Variants in IGF1R observed in about 807,000 individuals in gnomAD.
IGF1R encodes insulin-like growth factor 1 receptor.
IGF1R carries 44 observed loss-of-function variants against 144.6 expected under a neutral mutation model. The observed-to-expected ratio is 0.30, with a 90% CI of 0.24 to 0.39. IGF1R has a LOEUF of 0.39. Ranked by LOEUF, IGF1R falls within the 10% of genes least tolerant of loss-of-function variation. The pLI is 1.00. For missense variants in IGF1R, 1,355 were observed against 1,833.7 expected (o/e 0.74, Z 4.77); for synonymous variants, 795 against 722.8 (o/e 1.10, Z -1.60).
At chr15:98,694,224 G>A (rs1378423432) in intron 1 of IGF1R, among the ~76,000 whole-genome samples, 2 of 152,126 alleles carry the variant, frequency 1.3e-5, no homozygotes, top group African/African-American at 4.8e-5. Context: ...GTGCTGAAGC[G>A]CAAGGGTGCA....
chr15:98,775,900 A>G (rs564868766), intron 2 of IGF1R, among the ~76,000 whole-genome samples: 3 of 152,322 alleles, frequency 2.0e-5, no homozygotes, highest in African/African-American at 7.2e-5. Context: ...CTATTAAACA[A>G]ATCTTTGCAA....
chr15:98,736,215 G>GA (rs755291750), intron 2 of IGF1R, among the ~76,000 whole-genome samples: 14 of 152,224 alleles, frequency 9.2e-5, no homozygotes, highest in Admixed American at 2.0e-4. Context: ...TGCTGCTGGT[G>GA]AAGTTACTAA....
At chr15:98,939,023 G>A (rs2016264204) in intron 17 of IGF1R, among the ~76,000 whole-genome samples, 178 bp from the exon 18 acceptor site, 1 of 152,194 alleles carries the variant, frequency 6.6e-6, no homozygotes, top group Non-Finnish European at 1.5e-5. Flanking sequence ...CTTGCGGGGA[G>A]CAAGCAGGTG....
At position 98,962,340 on chromosome 15, in the gene IGF1R, G is replaced by A. The variant is rs1185674578; in HGVS notation, c.*4898G>A. On this transcript the variant is annotated 3_prime_UTR_variant, in exon 21 of 21. Transcript: ENST00000650285. ...TTGTTCTTTTCGTTAATGTTCCTCT[G>A]TGTTGTCAGCTGTCTTCATTTCCTG... The A allele has an allele frequency of 8.6e-6, 2 of 233,468 alleles. No individual in the cohort carries two copies. The highest frequency in any genetic ancestry group is 1.7e-5 in the Non-Finnish European group (2 of 118,130). 14.5% of individuals were successfully genotyped at this position (233,468 alleles called of 1,614,324 possible). A position where few individuals can be genotyped will look rare whatever the true frequency, so the allele number is the denominator to read the frequency against.
At chr15:98,836,873 TG>T (rs1488152813) in intron 2 of IGF1R, among the ~76,000 whole-genome samples, 1 of 152,234 alleles carries the variant, frequency 6.6e-6, no homozygotes, top group African/African-American at 2.4e-5. Context: ...TTATACATTT[TG>T]GGGAAGACTA....
chr15:98,675,760 T>G (rs969060337), intron 1 of IGF1R, among the ~76,000 whole-genome samples: 1 of 151,866 alleles, frequency 6.6e-6, no homozygotes, highest in African/African-American at 2.4e-5. Context: ...TTTCCCCACA[T>G]TGTGCTGTTT....
In IGF1R at chr15:98,714,649, GA is replaced by G. The variant is rs202232475; in HGVS notation, c.640+6555del. On this transcript the variant is annotated intron_variant, in intron 2 of 20. Coordinates refer to ENST00000650285, the MANE Select transcript of IGF1R (RefSeq NM_000875.5). ...GGCGACATAATGAAATCCTGTCTGA[GA>G]AAAAAAAAAAAAGATTTTGTAACTA... is the stretch of plus-strand genomic sequence containing the variant. Among the ~76,000 whole-genome samples the G allele has an allele frequency of 7.2e-3, 952 of 133,016 alleles. 11 individuals are homozygous for G. Among genetic ancestry groups the G allele is most frequent in the African/African-American group, 0.02 (756 of 37,040 alleles). The allele number at this position is 133,016 out of a possible 152,430, so 87.3% of individuals were successfully genotyped here.
intron 2 of IGF1R, among the ~76,000 whole-genome samples, chr15:98,859,985 G>A (rs918442248): frequency 3.9e-5 from 6 of 151,944 alleles, no homozygotes; most frequent in African/African-American, 1.2e-4. Context: ...ACGCGATCTC[G>A]GCTCACTGCA....
chr15:98,860,946 C>T (rs1278998300), intron 2 of IGF1R, among the ~76,000 whole-genome samples: 1 of 152,140 alleles, frequency 6.6e-6, no homozygotes, highest in Admixed American at 6.5e-5. Flanking sequence ...TGTTTATTTG[C>T]TGAATAGTTG....
intron 2 of IGF1R, among the ~76,000 whole-genome samples, chr15:98,725,842 T>A (rs1300849583): frequency 6.6e-6 from 1 of 152,138 alleles, no homozygotes; most frequent in African/African-American, 2.4e-5. Flanking sequence ...AGAGAAAATG[T>A]GGAAGAAGCA....
chr15:98,771,404 G>T (rs932602909), intron 2 of IGF1R, among the ~76,000 whole-genome samples: 1 of 152,134 alleles, frequency 6.6e-6, no homozygotes, highest in Non-Finnish European at 1.5e-5. Flanking sequence ...TTTCATAGGG[G>T]TTCTCAGATT....
At chr15:98,914,417 G>A (rs2015152966) in intron 8 of IGF1R, among the ~76,000 whole-genome samples, 1 of 152,168 alleles carries the variant, frequency 6.6e-6, no homozygotes, top group Non-Finnish European at 1.5e-5. Context: ...GAAAATGCTG[G>A]TGGGGAAAAC....
intron 2 of IGF1R, among the ~76,000 whole-genome samples, chr15:98,801,320 C>G (rs1371781160): frequency 1.3e-5 from 2 of 152,210 alleles, no homozygotes; most frequent in Non-Finnish European, 2.9e-5. Context: ...GCCACCAAAA[C>G]CTGAATTGGA....
chr15:98,871,398 G>GTAAATAATAACA (rs2012778146), intron 2 of IGF1R, among the ~76,000 whole-genome samples: 1 of 152,222 alleles, frequency 6.6e-6, no homozygotes, highest in Non-Finnish European at 1.5e-5. Context: ...TTAATAACAA[G>GTAAATAATAACA]GGACTTGCTT....
rs35922962 is a variant in IGF1R, at chr15:98,958,066, G to A, written c.*624G>A. ...GAACTTTCTCCCTCATCGGCCCGGC[G>A]CTGATTCCTCGTGTCCGGAGGCATG... On this transcript the variant is annotated 3_prime_UTR_variant, in exon 21 of 21. Transcript: ENST00000650285. 369 of 234,020 alleles carry A rather than the reference G, an allele frequency of 1.6e-3. 5 individuals carry two copies. The highest frequency in any genetic ancestry group is 2.7e-4 in the Non-Finnish European group (32 of 118,424). The allele number at this position is 234,020 out of a possible 1,614,324, so 14.5% of individuals were successfully genotyped here. A position where few individuals can be genotyped will look rare whatever the true frequency, so the allele number is the denominator to read the frequency against.
At chr15:98,673,830 G>A (rs2052962085) in intron 1 of IGF1R, among the ~76,000 whole-genome samples, 2 of 152,178 alleles carry the variant, frequency 1.3e-5, no homozygotes, top group Admixed American at 6.5e-5. Context: ...TGTGCCAGGC[G>A]CTGTATTTTG....
chr15:98,920,640 G>A (rs975168802), intron 10 of IGF1R, among the ~76,000 whole-genome samples: 3 of 152,224 alleles, frequency 2.0e-5, no homozygotes, highest in African/African-American at 7.2e-5. Context: ...TTTGCAGAGT[G>A]TGAGGATTGT....
chr15:98,838,337 T>TA (rs2011123067), intron 2 of IGF1R, among the ~76,000 whole-genome samples: 1 of 152,150 alleles, frequency 6.6e-6, no homozygotes, highest in Non-Finnish European at 1.5e-5. Flanking sequence ...TGTAAACCCA[T>TA]AAAAAATAGC....
rs146590941 is a variant in IGF1R, at chr15:98,806,989, C to T, written c.641-84336C>T. ...CAACCTGGGCAACATGGTGAAACCCCGTCTCAAAAGAAAAAAAAGAAAAGA... is the reference window on the plus strand; with the variant it reads ...CAACCTGGGCAACATGGTGAAACCCTGTCTCAAAAGAAAAAAAAGAAAAGA... On this transcript the variant is annotated intron_variant, in intron 2 of 20. Transcript: ENST00000650285. Among the ~76,000 whole-genome samples the T allele has an allele frequency of 3.2e-3, 492 of 151,998 alleles. 3 individuals carry two copies. Among genetic ancestry groups the T allele is most frequent in the African/African-American group, 0.011 (468 of 41,430 alleles).
Sources: allele counts gnomAD v4.1 joint callset (sites outside exome capture counted in the v4.1 genomes callset), GRCh38; gene constraint gnomAD v4.1.1; transcripts MANE v1.5; gene names NCBI Gene and HGNC (gene_info 2026-07-23, HGNC 2026-07-21).